The following KNDC1 variants were observed in gnomAD, a reference collection of about 807,000 sequenced individuals.
KNDC1 encodes the protein kinase non-catalytic C-lobe domain containing 1.
KNDC1 carries 106 observed loss-of-function variants against 172.8 expected under a neutral mutation model. The observed-to-expected ratio is 0.61, with a 90% CI of 0.52 to 0.72. The LOEUF is 0.72. KNDC1 is among the 30% of genes least tolerant of loss of function. The pLI is 0.00. For synonymous variants in KNDC1, 1,083 were observed against 1,062.2 expected (o/e 1.02, Z -0.38); for missense variants, 2,325 against 2,394.5 (o/e 0.97, Z 0.61).
At chr10:133,201,357 C>T (rs1002186865) in intron 16 of KNDC1, 144 bp from the exon 17 acceptor site, 146 of 858,166 alleles carry the variant, frequency 1.7e-4, no homozygotes, top group Admixed American at 4.6e-4. Flanking sequence ...AGGCGGCAGC[C>T]GTGCCCGGGG....
At chr10:133,171,351 G>GC (rs1853371591) in intron 3 of KNDC1, among the ~76,000 whole-genome samples, 1 of 152,122 alleles carries the variant, frequency 6.6e-6, no homozygotes, top group Non-Finnish European at 1.5e-5. Context: ...GCTCACTGCA[G>GC]CCTCCACCTC....
chr10:133,194,137 C>A (rs1215393654), intron 9 of KNDC1, among the ~76,000 whole-genome samples: 1 of 152,186 alleles, frequency 6.6e-6, no homozygotes, highest in Non-Finnish European at 1.5e-5. Flanking sequence ...TCTCAGTTGC[C>A]CCACTGACTA....
rs756010786 is a variant in KNDC1 at position 133,211,780 on chromosome 10, C to T, written c.4158C>T (p.Asn1386=). ...EGNPRGTDLE[N]PREAEEDARP... ...ACCCTCGCGGCACAGACCTGGAGAACCCCAGGGAGGCCGAGGAGGATGCCA... is the reference window on the plus strand; with the variant it reads ...ACCCTCGCGGCACAGACCTGGAGAATCCCAGGGAGGCCGAGGAGGATGCCA... Residue 1386 remains asparagine, a synonymous_variant, in exon 23 of 30, where the codon AAC becomes AAT. Coordinates refer to ENST00000304613, the MANE Select transcript of KNDC1 (RefSeq NM_152643.8). The T allele has an allele frequency of 1.2e-6, 2 of 1,610,612 alleles. No homozygotes were observed. Among genetic ancestry groups the T allele is most frequent in the Non-Finnish European group, 1.7e-6 (2 of 1,179,356 alleles).
intron 6 of KNDC1, among the ~76,000 whole-genome samples, chr10:133,187,838 G>A (rs1442392448): frequency 2.0e-5 from 3 of 152,030 alleles, no homozygotes; most frequent in African/African-American, 7.2e-5. Flanking sequence ...GTGTGTTCAC[G>A]CTGTTGCACA....
intron 2 of KNDC1, 50 bp from the exon 3 acceptor site, chr10:133,168,204 T>C: frequency 6.4e-7 from 1 of 1,560,294 alleles, no homozygotes. Context: ...CGGGTTCAGG[T>C]TTGCAGGTGT....
chr10:133,182,902 G>A (rs1853758867), intron 3 of KNDC1, among the ~76,000 whole-genome samples: 1 of 150,434 alleles, frequency 6.6e-6, no homozygotes, highest in Non-Finnish European at 1.5e-5. Flanking sequence ...TGGGTGGCGT[G>A]GGTGCGAGCA....
chr10:133,199,153 C>A lies in KNDC1; in HGVS notation c.2645C>A (p.Ser882Ter). Residue 882 changes from serine to a stop codon, truncating the protein, a stop_gained, in exon 14 of 30, where the codon TCG becomes TAG. Transcript: ENST00000304613. LOFTEE classifies it high-confidence loss of function. ...RRLCLPCVDA[S>*]PLPGRTACPS... ...CTCTGTCTGCCCTGCGTGGATGCCT[C>A]GCCACTCCCAGGGAGGACGGCCTGC... is the stretch of plus-strand genomic sequence containing the variant. The A allele has an allele frequency of 6.2e-7, 1 of 1,601,544 alleles. No homozygotes were observed. Among genetic ancestry groups the A allele is most frequent in the East Asian group, 2.3e-5 (1 of 44,080 alleles).
At chr10:133,205,516 G>A (rs1207706261) in intron 17 of KNDC1, among the ~76,000 whole-genome samples, 5 of 152,202 alleles carry the variant, frequency 3.3e-5, no homozygotes, top group Admixed American at 6.5e-5. Context: ...TACACTCAAC[G>A]CTCATGCTCT....
intron 15 of KNDC1, 52 bp from the exon 16 acceptor site, chr10:133,200,323 G>A (rs1374969195): frequency 7.3e-7 from 1 of 1,370,082 alleles, no homozygotes. Flanking sequence ...TGGAGACTGT[G>A]GCCTCCTCCC....
intron 9 of KNDC1, among the ~76,000 whole-genome samples, chr10:133,191,791 T>C (rs1854076498): frequency 1.3e-5 from 2 of 152,218 alleles, no homozygotes; most frequent in East Asian, 1.9e-4. Flanking sequence ...CCCCCTGCTC[T>C]GCACCAACCA....
At position 133,197,641 on chromosome 10, in the gene KNDC1, G is replaced by A. The variant is rs761086739; in HGVS notation, c.1813-34G>A. The stretch of plus-strand genomic sequence containing the variant: ...TTGCCGGCGCTGGCGGAGCTCCGTG[G>A]TCACCTGGCCCAGGGCTGTCACCTC... On this transcript the variant is annotated intron_variant, in intron 11 of 29. Coordinates refer to ENST00000304613, the MANE Select transcript of KNDC1 (RefSeq NM_152643.8). 1.9e-5 allele frequency: 29 copies of A among 1,545,054 alleles called. No homozygotes were observed. In the East Asian group the frequency reaches 6.3e-4, roughly 33 times the overall value.
Position 133,186,256 on chromosome 10 carries a change from G to A in KNDC1, c.908G>A (p.Arg303Gln), listed in dbSNP as rs776148076. The A allele has an allele frequency of 7.6e-5, 122 of 1,602,204 alleles. No homozygotes were observed. Among genetic ancestry groups the A allele is most frequent in the Middle Eastern group, 6.7e-4 (4 of 6,006 alleles). Residue 303 changes from arginine to glutamine, a missense_variant, in exon 6 of 30, where the codon CGG (arginine) becomes CAG (glutamine). By Grantham distance (43) the Arg-to-Gln change is conservative. Transcript: ENST00000304613. ...DRDALRRSRL[R>Q]KVQTFPRLLS... ...GACGCCCTCAGGAGAAGCCGCCTGCGGAAGGTGCAGACGTTCCCTAGGCTG... is the reference window on the plus strand; with the variant it reads ...GACGCCCTCAGGAGAAGCCGCCTGCAGAAGGTGCAGACGTTCCCTAGGCTG...
chr10:133,177,169 ATACAG>A (rs1376233180), intron 3 of KNDC1, among the ~76,000 whole-genome samples: 4 of 116,314 alleles, frequency 3.4e-5, no homozygotes, highest in Non-Finnish European at 8.2e-5. Context: ...GTGCACATGT[ATACAG>A]TATAGTGTGT....
chr10:133,193,384 G>A (rs1003286218), intron 9 of KNDC1, among the ~76,000 whole-genome samples: 1 of 152,148 alleles, frequency 6.6e-6, no homozygotes, highest in Non-Finnish European at 1.5e-5. Flanking sequence ...AATTTGCCAG[G>A]CATGGTGGTG....
At chr10:133,167,319 T>G in intron 1 of KNDC1, 62 bp from the exon 2 acceptor site, 12 of 1,468,798 alleles carry the variant, frequency 8.2e-6, no homozygotes, top group African/African-American at 1.4e-5. Context: ...ATCGTCTCGG[T>G]GGGGGTGCCG....
intron 2 of KNDC1, 69 bp downstream of exon 2, chr10:133,167,648 G>A (rs1853217348): frequency 2.0e-6 from 3 of 1,466,134 alleles, no homozygotes; most frequent in Non-Finnish European, 2.8e-6. Flanking sequence ...GGGGGGATGT[G>A]AGCACTGGCT....
At chr10:133,204,879 C>T (rs1014418782) in intron 17 of KNDC1, among the ~76,000 whole-genome samples, 9 of 152,044 alleles carry the variant, frequency 5.9e-5, no homozygotes, top group African/African-American at 1.9e-4. Context: ...CGAGGGCTGC[C>T]GCGCCTCTCA....
At chr10:133,181,694 C>T (rs984984086) in intron 3 of KNDC1, among the ~76,000 whole-genome samples, 3 of 152,084 alleles carry the variant, frequency 2.0e-5, no homozygotes, top group Non-Finnish European at 4.4e-5. Context: ...AGGAGATTCA[C>T]GCCATGAAAA....
intron 9 of KNDC1, 125 bp downstream of exon 9, chr10:133,189,938 C>T (rs1390613624): frequency 1.1e-5 from 9 of 801,282 alleles, no homozygotes; most frequent in Middle Eastern, 3.4e-4. Flanking sequence ...CCTGGCCAGG[C>T]GGCCACAGGC....
Sources: allele counts gnomAD v4.1 joint callset (sites outside exome capture counted in the v4.1 genomes callset), GRCh38; gene constraint gnomAD v4.1.1; transcripts MANE v1.5; gene names NCBI Gene and HGNC (gene_info 2026-07-23, HGNC 2026-07-21).